The following HSPB2 variants were observed in gnomAD, a reference collection of about 807,000 sequenced individuals.
The protein encoded by HSPB2 is heat shock protein beta-2.
In HSPB2, 14 loss-of-function variants were observed where a neutral mutation model predicts 14.1. The ratio of observed to expected loss-of-function variants is 0.99; its 90% CI spans 0.66 to 1.55. The LOEUF is 1.55. HSPB2 is among the 40% of genes most tolerant of loss of function. The pLI, the probability that HSPB2 is intolerant of heterozygous loss-of-function variation, is 0.00. For missense variants in HSPB2, 242 were observed against 241.7 expected, an observed-to-expected ratio of 1.00 and a Z score of -0.01; for synonymous variants, 110 against 103.4, an observed-to-expected ratio of 1.06 and a Z score of -0.39.
chr11:111,913,287 TC>T (rs1965530565), intron 1 of HSPB2, 153 bp from the exon 2 acceptor site: 3 of 671,286 alleles, frequency 4.5e-6, no homozygotes, highest in Non-Finnish European at 7.9e-6. Context: ...AGCTGCCTTC[TC>T]CTCCTAGCTA....
At chr11:111,913,216 C>CCCTCCTCCTCCTTCTCCTCCT (rs1566413774) in intron 1 of HSPB2, 1 of 603,606 alleles carries the variant, frequency 1.7e-6, no homozygotes, top group Non-Finnish European at 2.9e-6. Context: ...CTCCTCCTCC[C>CCCTCCTCCTCCTTCTCCTCCT]CCTCCTCCTC....
Position 111,912,940 on chromosome 11 carries a change from A to AG in HSPB2, c.94+17_94+18insG. Reference sequence around the variant, plus strand: ...TCGGAGAAGGTATGGCACAGACACCACCCCCTTGCCCCCCACCCCCACCCC... The same window carrying AG: ...TCGGAGAAGGTATGGCACAGACACCAGCCCCCTTGCCCCCCACCCCCACCCC... On this transcript the variant is annotated intron_variant, in intron 1 of 1. Transcript: ENST00000304298. The AG allele has an allele frequency of 2.2e-6, 3 of 1,383,056 alleles. No homozygotes were observed. Among genetic ancestry groups the AG allele is most frequent in the Non-Finnish European group, 1.9e-6 (2 of 1,042,280 alleles). The allele number at this position is 1,383,056 out of a possible 1,614,324, so 85.7% of individuals were successfully genotyped here.
At position 111,913,633 on chromosome 11, in the gene HSPB2, T is replaced by C. The variant is rs1965543499; in HGVS notation, c.287T>C (p.Leu96Pro). The C allele has an allele frequency of 6.2e-7, 1 of 1,614,188 alleles. No individual in the cohort carries two copies. The highest frequency in any genetic ancestry group is 8.5e-7 in the Non-Finnish European group (1 of 1,180,034). The change falls in exon 2 of 2, where the codon CTG becomes CCG. Residue 96 changes from leucine to proline, a missense_variant. By Grantham distance (98) the Leu-to-Pro change is moderately conservative (BLOSUM62 -3). Transcript: ENST00000304298. ...GTGACTGTGAGGACTGTGGATAACC[T>C]GCTGGAGGTGTCTGCCCGGCACCCC... ...DEVTVRTVDNLLEVSARHPQR... is the reference protein window; with the variant it reads ...DEVTVRTVDNPLEVSARHPQR...
chr11:111,913,328 C>T (rs1555165833), intron 1 of HSPB2, 113 bp from the exon 2 acceptor site: 4 of 815,688 alleles, frequency 4.9e-6, no homozygotes, highest in South Asian at 1.6e-5. Context: ...TTCCCTACTC[C>T]TCCTGACTCC....
At chr11:111,913,216 C>T (rs530963227) in intron 1 of HSPB2, 4 of 603,868 alleles carry the variant, frequency 6.6e-6, no homozygotes, top group South Asian at 6.1e-5. Flanking sequence ...CTCCTCCTCC[C>T]CCTCCTCCTC....
chr11:111,913,410 T>A (rs1555165838), intron 1 of HSPB2, 31 bp from the exon 2 acceptor site: 1 of 1,545,194 alleles, frequency 6.5e-7, no homozygotes, highest in African/African-American at 1.4e-5. Context: ...TCCTCCCTCA[T>A]CCTGCCTCTT....
chr11:111,913,960 A>ATAT lies in HSPB2; in HGVS notation c.*65_*66insTAT. ...CCCAAGGTGATATGGGCAGCTGCCC[A>ATAT]CCACTCCAGAGGTAGCAGCATCCTT... On this transcript the variant is annotated 3_prime_UTR_variant, in exon 2 of 2. Transcript: ENST00000304298. 2 of 1,383,016 alleles carry ATAT rather than the reference A, an allele frequency of 1.4e-6. No homozygotes were observed. The highest frequency in any genetic ancestry group is 2.0e-6 in the Non-Finnish European group (2 of 1,011,000). The allele number at this position is 1,383,016 out of a possible 1,614,324, so 85.7% of individuals were successfully genotyped here.
Position 111,913,997 on chromosome 11 carries a change from A to G in HSPB2, c.*102A>G. 9.8e-7 allele frequency: 1 copy of G among 1,015,444 alleles called. No homozygotes were observed. Among genetic ancestry groups the G allele is most frequent in the East Asian group, 2.5e-5 (1 of 39,648 alleles). The allele number at this position is 1,015,444 out of a possible 1,614,324, so 62.9% of individuals were successfully genotyped here. A position where few individuals can be genotyped will look rare whatever the true frequency, so the allele number is the denominator to read the frequency against. On this transcript the variant is annotated 3_prime_UTR_variant, in exon 2 of 2. Transcript: ENST00000304298. ...GTAGCAGCATCCTTGGGGGAAGGGA[A>G]AGGTGCATGGTCCACAATGTATGGT...
chr11:111,913,036 A>C, intron 1 of HSPB2, 113 bp downstream of exon 1: 5 of 737,750 alleles, frequency 6.8e-6, no homozygotes, highest in Non-Finnish European at 9.2e-6. Flanking sequence ...ATCTCCTGGG[A>C]CCAGCCACCC....
Position 111,912,766 on chromosome 11 carries a change from G to A in HSPB2, c.-64G>A. On this transcript the variant is annotated 5_prime_UTR_variant, in exon 1 of 2. Coordinates refer to ENST00000304298, the MANE Select transcript of HSPB2 (RefSeq NM_001541.4). ...CGAGCCCTGGCTCTCCGGGCAGCTG[G>A]AGGGGTCGCGCTGCGCCTGTTGGGG... 1.5e-6 allele frequency: 2 copies of A among 1,339,594 alleles called. No individual in the cohort carries two copies. Among genetic ancestry groups the A allele is most frequent in the Non-Finnish European group, 2.1e-6 (2 of 957,270 alleles). 83.0% of individuals were successfully genotyped at this position (1,339,594 alleles called of 1,614,324 possible). A position where few individuals can be genotyped will look rare whatever the true frequency, so the allele number is the denominator to read the frequency against.
intron 1 of HSPB2, 25 bp from the exon 2 acceptor site, chr11:111,913,416 C>A: frequency 6.4e-7 from 1 of 1,563,728 alleles, no homozygotes; most frequent in South Asian, 1.1e-5. Flanking sequence ...CTCATCCTGC[C>A]TCTTGCCTTC....
At position 111,912,831 on chromosome 11, in the gene HSPB2, T is replaced by TG. The variant is rs782183679; in HGVS notation, c.3dup (p.Ser2_?1). On this transcript the variant is annotated frameshift_variant and start_lost, in exon 1 of 2. Transcript: ENST00000304298. LOFTEE classifies it high-confidence loss of function. ...AGGGCTTCTGCTGCATCTGCAGCCA[T>TG]GTCGGGCCGCTCAGTGCCACATGCC... 9 of 1,600,250 alleles carry TG rather than the reference T, an allele frequency of 5.6e-6. No homozygotes were observed. Among genetic ancestry groups the TG allele is most frequent in the Non-Finnish European group, 7.7e-6 (9 of 1,175,086 alleles).
In HSPB2 at chr11:111,913,471, C is replaced by A. The variant is rs1555165848; in HGVS notation, c.125C>A (p.Thr42Lys). Residue 42 changes from threonine to lysine, a missense_variant, in exon 2 of 2, where the codon ACA becomes AAA. Coordinates refer to ENST00000304298, the MANE Select transcript of HSPB2 (RefSeq NM_001541.4). The stretch of plus-strand genomic sequence containing the variant: ...CTGCCAGAAGAGATCCTGACCCCCA[C>A]ACTCTACCATGGCTACTATGTCCGG... ...GLLPEEILTP[T>K]LYHGYYVRPR... 19 of 1,611,796 alleles carry A rather than the reference C, an allele frequency of 1.2e-5. No homozygotes were observed. The highest frequency in any genetic ancestry group is 1.6e-5 in the Non-Finnish European group (19 of 1,179,986).
Position 111,913,947 on chromosome 11 carries a change from T to G in HSPB2, c.*52T>G. The G allele has an allele frequency of 6.8e-7, 1 of 1,476,710 alleles. No individual in the cohort carries two copies. The highest frequency in any genetic ancestry group is 1.3e-5 in the South Asian group (1 of 78,144). The allele number at this position is 1,476,710 out of a possible 1,614,324, so 91.5% of individuals were successfully genotyped here. On this transcript the variant is annotated 3_prime_UTR_variant, in exon 2 of 2. Transcript: ENST00000304298. ...TCCCTCTCTACCTCCCAAGGTGATA[T>G]GGGCAGCTGCCCACCACTCCAGAGG...
Position 111,913,760 on chromosome 11 carries a change from T to C in HSPB2, c.414T>C (p.His138=), listed in dbSNP as rs587616093. Residue 138 remains histidine (H), a synonymous_variant, in exon 2 of 2, where the codon CAT becomes CAC. Coordinates refer to ENST00000304298, the MANE Select transcript of HSPB2 (RefSeq NM_001541.4). ...DPWRVRAALS[H]DGILNLEAPR... is the part of the protein sequence containing the mutation. ...GGCGAGTCCGAGCTGCTCTCTCCCATGATGGCATCTTAAACCTGGAAGCAC... is the reference window on the plus strand; with the variant it reads ...GGCGAGTCCGAGCTGCTCTCTCCCACGATGGCATCTTAAACCTGGAAGCAC... 5.0e-6 allele frequency: 8 copies of C among 1,614,168 alleles called. No individual in the cohort carries two copies. In the African/African-American group the frequency reaches 1.1e-4, roughly 22 times the overall value.
Position 111,913,938 on chromosome 11 carries a change from A to G in HSPB2, c.*43A>G. 1 of 1,519,368 alleles carries G rather than the reference A, an allele frequency of 6.6e-7. No individual in the cohort carries two copies. Among genetic ancestry groups the G allele is most frequent in the Admixed American group, 1.8e-5 (1 of 54,160 alleles). 94.1% of individuals were successfully genotyped at this position (1,519,368 alleles called of 1,614,324 possible). A position where few individuals can be genotyped will look rare whatever the true frequency, so the allele number is the denominator to read the frequency against. On this transcript the variant is annotated 3_prime_UTR_variant, in exon 2 of 2. Transcript: ENST00000304298. ...CCCAGCAAATCCCTCTCTACCTCCCAAGGTGATATGGGCAGCTGCCCACCA... is the reference window on the plus strand; with the variant it reads ...CCCAGCAAATCCCTCTCTACCTCCCGAGGTGATATGGGCAGCTGCCCACCA...
chr11:111,913,198 G>T, intron 1 of HSPB2: 1 of 602,610 alleles, frequency 1.7e-6, no homozygotes, highest in South Asian at 2.0e-5. Context: ...CAGGCCGTTT[G>T]GTGCCTCCTC....
Position 111,913,967 on chromosome 11 carries a change from C to T in HSPB2, c.*72C>T. The T allele has an allele frequency of 7.8e-7, 1 of 1,286,104 alleles. No homozygotes were observed. Among genetic ancestry groups the T allele is most frequent in the Non-Finnish European group, 1.1e-6 (1 of 931,174 alleles). 79.7% of individuals were successfully genotyped at this position (1,286,104 alleles called of 1,614,324 possible). Reference sequence around the variant, plus strand: ...TGATATGGGCAGCTGCCCACCACTCCAGAGGTAGCAGCATCCTTGGGGGAA... The same window carrying T: ...TGATATGGGCAGCTGCCCACCACTCTAGAGGTAGCAGCATCCTTGGGGGAA... On this transcript the variant is annotated 3_prime_UTR_variant, in exon 2 of 2. Transcript: ENST00000304298.
Position 111,913,516 on chromosome 11 carries a change from G to C in HSPB2, c.170G>C (p.Gly57Ala). 1 of 1,614,070 alleles carries C rather than the reference G, an allele frequency of 6.2e-7. No individual in the cohort carries two copies. The highest frequency in any genetic ancestry group is 1.7e-5 in the Admixed American group (1 of 60,032). The change falls in exon 2 of 2, where the codon GGG (glycine) becomes GCG (alanine). Residue 57 changes from glycine (G) to alanine (A), a missense_variant. Physicochemically the swap from Gly to Ala is moderately conservative, Grantham distance 60 (BLOSUM62 0). Coordinates refer to ENST00000304298, the MANE Select transcript of HSPB2 (RefSeq NM_001541.4). ...YYVRPRAAPA[G>A]EGSRAGASEL... ...GTCCGGCCTCGGGCCGCCCCAGCTG[G>C]GGAGGGCAGCAGGGCAGGGGCCTCC... is the stretch of plus-strand genomic sequence containing the variant.
Sources: allele counts gnomAD v4.1 joint callset, GRCh38; gene constraint gnomAD v4.1.1; transcripts MANE v1.5; gene names NCBI Gene and HGNC (gene_info 2026-07-23, HGNC 2026-07-21).